The following NEO1 variants were observed in gnomAD, a reference collection of about 807,000 sequenced individuals.
The protein encoded by NEO1 is neogenin 1.
Under a neutral mutation model 159.7 loss-of-function variants are expected in NEO1, and 63 were observed. The observed-to-expected ratio is 0.39, with a 90% CI of 0.32 to 0.49. The LOEUF (loss-of-function observed/expected upper bound fraction) is 0.49. NEO1 is among the 20% of genes least tolerant of loss of function. The pLI, the probability that NEO1 is intolerant of heterozygous loss-of-function variation, is 0.85. For synonymous variants in NEO1, 633 were observed against 662.0 expected (o/e 0.96, Z 0.67); for missense variants, 1,615 against 1,831.0 (o/e 0.88, Z 2.15).
chr15:73,220,539 A>T (rs567582736), intron 7 of NEO1, among the ~76,000 whole-genome samples: 1 of 152,212 alleles, frequency 6.6e-6, no homozygotes, highest in South Asian at 2.1e-4. Flanking sequence ...ACTTGGTTCC[A>T]TTCTCCCTGT....
rs1421910501 is a variant in NEO1 at position 73,183,203 on chromosome 15, G to C, written c.1291+4776G>C. Among the ~76,000 whole-genome samples the C allele has an allele frequency of 2.0e-5, 3 of 152,272 alleles. No homozygotes were observed. In the East Asian group the frequency reaches 5.8e-4, roughly 30 times the overall value. ...AAGGAAGTGATGATCTGCAGCTGCA[G>C]AGAGAGAATGATGCAGAGAGGCCTT... On this transcript the variant is annotated intron_variant, in intron 7 of 28. Transcript: ENST00000261908.
At chr15:73,078,915 A>G (rs1005783293) in intron 1 of NEO1, among the ~76,000 whole-genome samples, 28 of 152,220 alleles carry the variant, frequency 1.8e-4, no homozygotes, top group African/African-American at 6.8e-4. Context: ...GACAAGCAGG[A>G]ATTTGAACTC....
intron 7 of NEO1, among the ~76,000 whole-genome samples, chr15:73,181,531 G>A (rs1365513492): frequency 1.3e-5 from 2 of 152,180 alleles, no homozygotes; most frequent in African/African-American, 4.8e-5. Context: ...GCATCTGCTT[G>A]GCTCCTGGGG....
chr15:73,191,121 C>A (rs1373642169), intron 7 of NEO1, among the ~76,000 whole-genome samples: 1 of 151,932 alleles, frequency 6.6e-6, no homozygotes, highest in South Asian at 2.1e-4. Flanking sequence ...TGTCATAACT[C>A]GTATAATGAA....
intron 26 of NEO1, among the ~76,000 whole-genome samples, chr15:73,294,820 G>A (rs1016692216): frequency 1.3e-5 from 2 of 151,990 alleles, no homozygotes; most frequent in African/African-American, 2.4e-5. Context: ...AATTACAGGC[G>A]TGAGCTACCG....
chr15:73,181,462 A>G (rs1045738475), intron 7 of NEO1, among the ~76,000 whole-genome samples: 5 of 152,178 alleles, frequency 3.3e-5, no homozygotes, highest in Non-Finnish European at 7.3e-5. Context: ...GGTAATTTAT[A>G]AAGAAAAGAG....
intron 1 of NEO1, among the ~76,000 whole-genome samples, chr15:73,098,327 A>G (rs2070200253): frequency 6.6e-6 from 1 of 152,118 alleles, no homozygotes; most frequent in Non-Finnish European, 1.5e-5. Flanking sequence ...TTAAAATCTA[A>G]TTTTGTTTTT....
At chr15:73,075,680 T>G (rs566154232) in intron 1 of NEO1, among the ~76,000 whole-genome samples, 2 of 152,290 alleles carry the variant, frequency 1.3e-5, no homozygotes, top group South Asian at 2.1e-4. Flanking sequence ...TGGTTTCTTT[T>G]GTATCATAGG....
intron 5 of NEO1, among the ~76,000 whole-genome samples, chr15:73,166,921 T>C (rs1191513120): frequency 1.3e-5 from 2 of 151,970 alleles, no homozygotes; most frequent in African/African-American, 2.4e-5. Context: ...GTGGCACATA[T>C]ACACCATGGA....
chr15:73,243,534 A>G (rs2039597184), intron 8 of NEO1, among the ~76,000 whole-genome samples: 1 of 152,190 alleles, frequency 6.6e-6, no homozygotes, highest in Non-Finnish European at 1.5e-5. Flanking sequence ...ACTCTTGATT[A>G]TGCAGTCTGG....
At chr15:73,206,515 C>T (rs2037235305) in intron 7 of NEO1, among the ~76,000 whole-genome samples, 1 of 152,094 alleles carries the variant, frequency 6.6e-6, no homozygotes, top group African/African-American at 2.4e-5. Context: ...AGAAAAAAAG[C>T]TAGGGTAGCG....
chr15:73,137,394 A>G (rs2031881210), intron 5 of NEO1, among the ~76,000 whole-genome samples: 1 of 152,340 alleles, frequency 6.6e-6, no homozygotes, highest in South Asian at 2.1e-4. Context: ...AATAAAGAAT[A>G]AAGCAATCTG....
rs182305540 is a variant in NEO1, at chr15:73,171,681, G to A, written c.1016-4722G>A. ...ACTTGAGACAGAGTCTTGTTCTGTC[G>A]CCCAGGCTGAAGTGCCGTGGCACAA... On this transcript the variant is annotated intron_variant, in intron 5 of 28. Transcript: ENST00000261908. 1.2e-3 allele frequency among the ~76,000 whole-genome samples: 182 copies of A among 149,898 alleles called. 1 individual carries two copies. Among genetic ancestry groups the A allele is most frequent in the African/African-American group, 4.1e-3 (169 of 40,952 alleles).
At position 73,221,663 on chromosome 15, in the gene NEO1, C is replaced by A. The variant is rs147902259; in HGVS notation, c.1292-14684C>A. 452 of 155,294 alleles carry A rather than the reference C, an allele frequency of 2.9e-3. 2 individuals carry two copies. Among genetic ancestry groups the A allele is most frequent in the Non-Finnish European group, 4.5e-3 (319 of 70,546 alleles). 9.6% of individuals were successfully genotyped at this position (155,294 alleles called of 1,614,324 possible). A position where few individuals can be genotyped will look rare whatever the true frequency, so the allele number is the denominator to read the frequency against. ...CGCCCCTCCCCAAGCCTTGCTGCTGCCTTGCAGTTTGGTCTCAGACTGCTG... is the reference window on the plus strand; with the variant it reads ...CGCCCCTCCCCAAGCCTTGCTGCTGACTTGCAGTTTGGTCTCAGACTGCTG... On this transcript the variant is annotated intron_variant, in intron 7 of 28. Coordinates refer to ENST00000261908, the MANE Select transcript of NEO1 (RefSeq NM_002499.4).
At chr15:73,196,021 T>C (rs1032713682) in intron 7 of NEO1, among the ~76,000 whole-genome samples, 1 of 152,234 alleles carries the variant, frequency 6.6e-6, no homozygotes. Context: ...GTTTTTCTTT[T>C]TTATTGGACT....
intron 5 of NEO1, among the ~76,000 whole-genome samples, chr15:73,142,391 A>G (rs564450060): frequency 1.3e-5 from 2 of 152,308 alleles, no homozygotes; most frequent in South Asian, 4.1e-4. Flanking sequence ...TACAAACAAC[A>G]CCTTTAATTT....
At chr15:73,175,679 C>G (rs914103532) in intron 5 of NEO1, among the ~76,000 whole-genome samples, 2 of 152,162 alleles carry the variant, frequency 1.3e-5, no homozygotes, top group African/African-American at 4.8e-5. Flanking sequence ...ATACAGATCG[C>G]TAAGACCCTT....
chr15:73,295,995 T>C (rs919019234), intron 26 of NEO1, among the ~76,000 whole-genome samples: 6 of 152,216 alleles, frequency 3.9e-5, no homozygotes, highest in African/African-American at 1.4e-4. Flanking sequence ...TTTTGCACAC[T>C]GTCAGGGAGC....
chr15:73,231,520 C>G (rs551259541), intron 7 of NEO1, among the ~76,000 whole-genome samples: 3 of 152,282 alleles, frequency 2.0e-5, no homozygotes, highest in African/African-American at 7.2e-5. Context: ...ATTGCATGAG[C>G]TCAGGAGTTC....
Sources: allele counts gnomAD v4.1 joint callset (sites outside exome capture counted in the v4.1 genomes callset), GRCh38; gene constraint gnomAD v4.1.1; transcripts MANE v1.5; gene names NCBI Gene and HGNC (gene_info 2026-07-23, HGNC 2026-07-21).